ZNF385B: variants seen among roughly 807,000 people sequenced by gnomAD.
ZNF385B encodes the protein zinc finger protein 533.
In ZNF385B, 23 loss-of-function variants were observed where a neutral mutation model predicts 39.2. The observed-to-expected ratio is 0.59, with a 90% CI of 0.42 to 0.83. The LOEUF is 0.83. ZNF385B is among the 40% of genes least tolerant of loss of function. The pLI is 0.00. For missense variants in ZNF385B, 552 were observed against 598.9 expected, an observed-to-expected ratio of 0.92 and a Z score of 0.82; for synonymous variants, 205 against 222.6, an observed-to-expected ratio of 0.92 and a Z score of 0.70.
intron 1 of ZNF385B, among the ~76,000 whole-genome samples, chr2:179,819,034 TACACACACACACACACAC>T (rs10556902): frequency 1.3e-4 from 20 of 148,200 alleles, no homozygotes; most frequent in East Asian, 1.2e-3. Context: ...TGTTTATAAA[TACACACACACACACACAC>T]ACACACACAC....
chr2:179,652,551 T>C (rs552824333), intron 3 of ZNF385B, among the ~76,000 whole-genome samples: 1 of 152,138 alleles, frequency 6.6e-6, no homozygotes, highest in Non-Finnish European at 1.5e-5. Flanking sequence ...GTGTTATGGT[T>C]ATTACCATAA....
chr2:179,683,042 A>T (rs1265016214), intron 3 of ZNF385B, among the ~76,000 whole-genome samples: 1 of 152,158 alleles, frequency 6.6e-6, no homozygotes, highest in African/African-American at 2.4e-5. Flanking sequence ...TACCTGCCAA[A>T]TATTAGGTAC....
intron 4 of ZNF385B, chr2:179,523,047 G>A: frequency 4.2e-6 from 1 of 239,492 alleles, no homozygotes; most frequent in South Asian, 5.1e-5. Flanking sequence ...CTAACTAAAA[G>A]GCAGCAAAAG....
At chr2:179,489,524 A>G (rs1359138243) in intron 5 of ZNF385B, among the ~76,000 whole-genome samples, 1 of 152,240 alleles carries the variant, frequency 6.6e-6, no homozygotes, top group African/African-American at 2.4e-5. Context: ...TTGAGATAAA[A>G]GCAAGGCACT....
chr2:179,477,455 A>C (rs1177495670), intron 6 of ZNF385B, among the ~76,000 whole-genome samples: 4 of 152,144 alleles, frequency 2.6e-5, no homozygotes, highest in Non-Finnish European at 5.9e-5. Context: ...TCTTCTTCTC[A>C]TGTCTTTTCT....
chr2:179,817,606 G>A (rs1333499808), intron 1 of ZNF385B, among the ~76,000 whole-genome samples: 1 of 152,050 alleles, frequency 6.6e-6, no homozygotes, highest in Non-Finnish European at 1.5e-5. Flanking sequence ...AAACACCGGG[G>A]AAGAAAGCCA....
chr2:179,710,792 A>G (rs1213002247), intron 3 of ZNF385B, among the ~76,000 whole-genome samples: 1 of 152,184 alleles, frequency 6.6e-6, no homozygotes, highest in Non-Finnish European at 1.5e-5. Context: ...GTCTCTCCCT[A>G]TAACAAACAG....
intron 1 of ZNF385B, among the ~76,000 whole-genome samples, chr2:179,808,785 A>G (rs1706553690): frequency 1.3e-5 from 2 of 152,236 alleles, no homozygotes; most frequent in Non-Finnish European, 1.5e-5. Context: ...TTAACAAAAG[A>G]AATTGTTTCT....
intron 1 of ZNF385B, among the ~76,000 whole-genome samples, chr2:179,840,272 T>C (rs906184250): frequency 2.0e-5 from 3 of 152,356 alleles, no homozygotes; most frequent in South Asian, 2.1e-4. Flanking sequence ...CAGTGAGGCC[T>C]TGCTGAGTAA....
rs561822421 is a variant in ZNF385B, at chr2:179,617,804, C to T, written c.299-72835G>A. 2.6e-5 allele frequency among the ~76,000 whole-genome samples: 4 copies of T among 152,250 alleles called. 1 individual carries two copies. In the South Asian group the frequency reaches 8.3e-4, roughly 32 times the overall value. ...GTGGGGGTTGGGCTTCTAGTATACC[C>T]ATCATCCAAATATTGGCCATTATAC... On this transcript the variant is annotated intron_variant, in intron 3 of 9. Coordinates refer to ENST00000410066, the MANE Select transcript of ZNF385B (RefSeq NM_152520.6).
intron 6 of ZNF385B, among the ~76,000 whole-genome samples, chr2:179,465,593 G>A (rs1166822456): frequency 6.6e-6 from 1 of 151,970 alleles, no homozygotes; most frequent in Non-Finnish European, 1.5e-5. Flanking sequence ...CTTACATTCT[G>A]CAGTTAACTA....
chr2:179,595,811 G>A (rs193025612), intron 3 of ZNF385B, among the ~76,000 whole-genome samples: 9 of 148,204 alleles, frequency 6.1e-5, no homozygotes, highest in Non-Finnish European at 1.3e-4. Flanking sequence ...ATTGCGCTCC[G>A]CACTCCAGCC....
chr2:179,848,620 C>T (rs556975761), intron 1 of ZNF385B, among the ~76,000 whole-genome samples: 25 of 152,302 alleles, frequency 1.6e-4, no homozygotes, highest in Middle Eastern at 3.4e-3. Context: ...TTAAGATATA[C>T]GACCCCACAT....
intron 3 of ZNF385B, among the ~76,000 whole-genome samples, chr2:179,749,358 A>T (rs913467577): frequency 2.0e-5 from 3 of 152,106 alleles, no homozygotes; most frequent in Admixed American, 2.0e-4. Context: ...AAAAAGTACA[A>T]TATCCAGCCC....
At chr2:179,791,143 G>C (rs1360350952) in intron 1 of ZNF385B, among the ~76,000 whole-genome samples, 2 of 152,094 alleles carry the variant, frequency 1.3e-5, no homozygotes, top group Non-Finnish European at 2.9e-5. Flanking sequence ...CTCCTTCCGT[G>C]ATCACTTCTC....
At chr2:179,473,030 T>C (rs1319393463) in intron 6 of ZNF385B, among the ~76,000 whole-genome samples, 9 of 152,178 alleles carry the variant, frequency 5.9e-5, no homozygotes, top group African/African-American at 2.2e-4. Flanking sequence ...TGCCACTTAA[T>C]GATATTCACT....
At chr2:179,480,039 G>C (rs1183064265) in intron 6 of ZNF385B, among the ~76,000 whole-genome samples, 3 of 152,160 alleles carry the variant, frequency 2.0e-5, no homozygotes, top group African/African-American at 7.2e-5. Context: ...TAAAACGCGA[G>C]AATGGAAATG....
chr2:179,672,678 C>T (rs961147684), intron 3 of ZNF385B, among the ~76,000 whole-genome samples: 1 of 152,102 alleles, frequency 6.6e-6, no homozygotes, highest in African/African-American at 2.4e-5. Flanking sequence ...TGAGAGACTC[C>T]TTACCTCTTC....
chr2:179,780,389 A>G (rs1704597598), intron 1 of ZNF385B, among the ~76,000 whole-genome samples: 1 of 152,182 alleles, frequency 6.6e-6, no homozygotes, highest in Admixed American at 6.5e-5. Context: ...CTCCTGACCC[A>G]CATCATGGCT....
Sources: gnomAD v4.1 joint callset for allele counts (sites outside exome capture counted in the v4.1 genomes callset) on GRCh38, gnomAD v4.1.1 for gene constraint, MANE v1.5 for transcripts, NCBI Gene and HGNC (gene_info 2026-07-23, HGNC 2026-07-21) for gene names.